The following NRXN3 variants were observed in gnomAD, a reference collection of about 807,000 sequenced individuals.
The protein encoded by NRXN3 is neurexin 3.
A neutral mutation model predicts 137.6 loss-of-function variants in NRXN3; 32 were observed. The observed-to-expected ratio is 0.23, with a 90% CI of 0.18 to 0.31. The LOEUF is 0.31. Among genes scored for constraint, NRXN3 ranks in the 10% least tolerant of loss-of-function variants. NRXN3 has a pLI of 1.00. For missense variants in NRXN3, 1,574 were observed against 2,062.5 expected (o/e 0.76, Z 4.59); for synonymous variants, 798 against 784.5 (o/e 1.02, Z -0.29).
chr14:79,853,968 G>A (rs1429781995), intron 20 of NRXN3: 2 of 987,732 alleles, frequency 2.0e-6, no homozygotes, highest in African/African-American at 3.5e-5. Context: ...ATTTGTTAAA[G>A]TGCAGATTTT....
At chr14:78,798,539 T>C (rs1399779606) in intron 8 of NRXN3, among the ~76,000 whole-genome samples, 1 of 152,138 alleles carries the variant, frequency 6.6e-6, no homozygotes, top group East Asian at 1.9e-4. Flanking sequence ...AAGCTGTCAG[T>C]GGATTTACCA....
At chr14:79,708,975 G>A (rs1205913200) in intron 19 of NRXN3, among the ~76,000 whole-genome samples, 1 of 151,814 alleles carries the variant, frequency 6.6e-6, no homozygotes, top group Non-Finnish European at 1.5e-5. Context: ...TTATGTGTGT[G>A]TGTGTGTGAG....
intron 19 of NRXN3, among the ~76,000 whole-genome samples, chr14:79,721,976 C>T (rs1356022540): frequency 3.3e-5 from 5 of 151,882 alleles, no homozygotes; most frequent in Admixed American, 6.6e-5. Flanking sequence ...TTTAGTTCAG[C>T]GAGAAGAAAA....
chr14:79,700,169 A>T (rs1052556517), intron 19 of NRXN3, among the ~76,000 whole-genome samples: 1 of 152,012 alleles, frequency 6.6e-6, no homozygotes, highest in African/African-American at 2.4e-5. Context: ...ATTGGATTCT[A>T]TTCAAAGTTT....
chr14:79,815,038 A>T (rs1007403074), intron 20 of NRXN3, among the ~76,000 whole-genome samples: 1 of 152,188 alleles, frequency 6.6e-6, no homozygotes, highest in African/African-American at 2.4e-5. Flanking sequence ...CAACACTTCA[A>T]CTTTGACCTA....
At chr14:79,716,527 G>A (rs941473158) in intron 19 of NRXN3, among the ~76,000 whole-genome samples, 1 of 152,062 alleles carries the variant, frequency 6.6e-6, no homozygotes, top group African/African-American at 2.4e-5. Flanking sequence ...AATCAGCAAC[G>A]TGAAAATTTG....
intron 10 of NRXN3, among the ~76,000 whole-genome samples, chr14:78,947,236 C>T (rs533392362): frequency 6.6e-6 from 1 of 152,300 alleles, no homozygotes; most frequent in African/African-American, 2.4e-5. Context: ...AGCTCATAAG[C>T]TGATAGGCCT....
chr14:79,798,117 A>T (rs1603523947), intron 19 of NRXN3, among the ~76,000 whole-genome samples: 2 of 152,148 alleles, frequency 1.3e-5, no homozygotes, highest in Admixed American at 6.5e-5. Context: ...AAAAAAAAAA[A>T]ATCATCCAGT....
At chr14:79,198,658 T>C (rs1344321284) in intron 15 of NRXN3, among the ~76,000 whole-genome samples, 1 of 152,226 alleles carries the variant, frequency 6.6e-6, no homozygotes, top group African/African-American at 2.4e-5. Context: ...AAGTTAAATG[T>C]CAGTAATTCC....
chr14:79,263,696 T>C (rs2077990699), intron 15 of NRXN3, among the ~76,000 whole-genome samples: 1 of 152,222 alleles, frequency 6.6e-6, no homozygotes, highest in South Asian at 2.1e-4. Flanking sequence ...ACGAAGTTCT[T>C]TAAAAATATA....
At chr14:78,289,465 G>C (rs553776833) in intron 3 of NRXN3, among the ~76,000 whole-genome samples, 1 of 152,250 alleles carries the variant, frequency 6.6e-6, no homozygotes, top group South Asian at 2.1e-4. Context: ...AAGAATCTTA[G>C]AGTTGGGAGG....
intron 15 of NRXN3, among the ~76,000 whole-genome samples, chr14:79,030,635 C>CTTTTTTTTTTTTTTTTTTTTTTTTTTTT: frequency 1.8e-5 from 1 of 54,234 alleles, no homozygotes; most frequent in African/African-American, 7.2e-5. Flanking sequence ...TTCTCTGTGT[C>CTTTTTTTTTTTTTTTTTTTTTTTTTTTT]TTTTTTTTTT....
chr14:79,713,478 G>GTGTATA (rs145838618), intron 19 of NRXN3, among the ~76,000 whole-genome samples: 8 of 135,362 alleles, frequency 5.9e-5, no homozygotes, highest in African/African-American at 8.1e-5. Flanking sequence ...TATATATAAT[G>GTGTATA]TATATATATA....
At chr14:78,240,448 A>T (rs907507117) in intron 1 of NRXN3, among the ~76,000 whole-genome samples, 2 of 152,174 alleles carry the variant, frequency 1.3e-5, no homozygotes. Context: ...GTTTTAGGGT[A>T]AATGAAGGTT....
intron 4 of NRXN3, among the ~76,000 whole-genome samples, chr14:78,541,605 G>A (rs1490441777): frequency 6.6e-6 from 1 of 152,190 alleles, no homozygotes; most frequent in Non-Finnish European, 1.5e-5. Context: ...ACCTTCTGAA[G>A]CCTACTTCTG....
intron 17 of NRXN3, 107 bp downstream of exon 17, chr14:79,664,056 A>G: frequency 9.0e-7 from 1 of 1,112,104 alleles, no homozygotes; most frequent in African/African-American, 1.5e-5. Flanking sequence ...CACTGAGTGA[A>G]GTACACATTC....
At chr14:79,434,165 T>C (rs772321967) in intron 15 of NRXN3, among the ~76,000 whole-genome samples, 7 of 152,022 alleles carry the variant, frequency 4.6e-5, no homozygotes, top group Non-Finnish European at 8.8e-5. Context: ...CAAGAAGCAA[T>C]AACATTTTTC....
chr14:78,672,365 T>A (rs1448331035), intron 6 of NRXN3, among the ~76,000 whole-genome samples: 1 of 152,232 alleles, frequency 6.6e-6, no homozygotes, highest in Admixed American at 6.5e-5. Flanking sequence ...TGTATTTATT[T>A]ATCTTTGTAT....
rs540090281 is a variant in NRXN3 at position 79,773,143 on chromosome 14, G to C, written c.4015-31969G>C. Among the ~76,000 whole-genome samples the C allele has an allele frequency of 8.1e-3, 1,233 of 152,294 alleles. 11 individuals are homozygous for C. The highest frequency in any genetic ancestry group is 0.028 in the African/African-American group (1,155 of 41,556). On this transcript the variant is annotated intron_variant, in intron 19 of 20. Coordinates refer to ENST00000335750, the MANE Select transcript of NRXN3 (RefSeq NM_001330195.2). ...TCAGGAAACAACAGGTGCTGGAGAA[G>C]ATGTGGAGAAATAGGAACACTTTTA...
Sources: gnomAD v4.1 joint callset for allele counts (sites outside exome capture counted in the v4.1 genomes callset) on GRCh38, gnomAD v4.1.1 for gene constraint, MANE v1.5 for transcripts, NCBI Gene and HGNC (gene_info 2026-07-23, HGNC 2026-07-21) for gene names.